HEXB: variants seen among roughly 807,000 people sequenced by gnomAD.
The protein encoded by HEXB is hexosaminidase subunit beta, also known as beta-hexosaminidase subunit beta.
HEXB carries 51 observed loss-of-function variants against 71.2 expected under a neutral mutation model. The ratio of observed to expected loss-of-function variants is 0.72; its 90% CI spans 0.57 to 0.90. The LOEUF is 0.90. Among genes scored for constraint, HEXB ranks in the 40% least tolerant of loss-of-function variants. HEXB has a pLI of 0.00. For missense variants in HEXB, 617 were observed against 677.0 expected, an observed-to-expected ratio of 0.91 and a Z score of 0.98; for synonymous variants, 266 against 249.3, an observed-to-expected ratio of 1.07 and a Z score of -0.63.
chr5:74,704,921 G>A (rs1749345434), intron 5 of HEXB, among the ~76,000 whole-genome samples: 1 of 151,970 alleles, frequency 6.6e-6, no homozygotes, highest in South Asian at 2.1e-4. Context: ...GCAAAACCCT[G>A]TTTCGACAAA....
chr5:74,673,349 G>T (rs1343521089), intron 1 of HEXB, among the ~76,000 whole-genome samples: 2 of 152,182 alleles, frequency 1.3e-5, no homozygotes, highest in African/African-American at 2.4e-5. Context: ...GGTTGCTTAT[G>T]GATATGTCAT....
chr5:74,720,850 G>A (rs1435609125), intron 13 of HEXB, 103 bp downstream of exon 13: 3 of 943,586 alleles, frequency 3.2e-6, no homozygotes, highest in Non-Finnish European at 5.1e-6. Context: ...ATAGTAATTA[G>A]AAGAAACCAG....
chr5:74,704,372 T>C (rs902193800), intron 5 of HEXB, among the ~76,000 whole-genome samples: 3 of 152,142 alleles, frequency 2.0e-5, no homozygotes, highest in African/African-American at 7.2e-5. Context: ...CCCTTATTGT[T>C]TTTCATCTTT....
Position 74,685,572 on chromosome 5 carries a change from G to C in HEXB, c.299+13G>C. ...AAGCGTTTCGACGGTGAGCGCTCCC[G>C]GCCCGGCCGGGAGTTGTCCTGGGGG... On this transcript the variant is annotated intron_variant, in intron 1 of 13. Coordinates refer to ENST00000261416, the MANE Select transcript of HEXB (RefSeq NM_000521.4). The C allele has an allele frequency of 1.3e-6, 2 of 1,536,492 alleles. No individual in the cohort carries two copies. The highest frequency in any genetic ancestry group is 1.7e-6 in the Non-Finnish European group (2 of 1,145,126).
At chr5:74,718,417 T>C (rs1440966552) in intron 10 of HEXB, 54 bp downstream of exon 10, 1 of 1,318,336 alleles carries the variant, frequency 7.6e-7, no homozygotes, top group South Asian at 1.2e-5. Context: ...ATTATTTTTC[T>C]TGGGGCAACT....
chr5:74,713,424 C>A, intron 6 of HEXB, 82 bp from the exon 7 acceptor site: 2 of 1,358,474 alleles, frequency 1.5e-6, no homozygotes, highest in East Asian at 2.3e-5. Flanking sequence ...TGTCAAATAT[C>A]AAATGCAAGC....
chr5:74,671,505 G>C (rs1423825458), intron 1 of HEXB, among the ~76,000 whole-genome samples: 1 of 152,138 alleles, frequency 6.6e-6, no homozygotes, highest in Non-Finnish European at 1.5e-5. Context: ...GTACTTGTCT[G>C]GATGGAAGGT....
At chr5:74,705,178 G>T in intron 5 of HEXB, 41 bp from the exon 6 acceptor site, 3 of 1,064,112 alleles carry the variant, frequency 2.8e-6, no homozygotes, top group Admixed American at 1.7e-5. Flanking sequence ...GATTGTATAT[G>T]ATATCTGCAG....
intron 12 of HEXB, 30 bp from the exon 13 acceptor site, chr5:74,720,613 T>C: frequency 1.2e-6 from 2 of 1,604,574 alleles, no homozygotes; most frequent in Non-Finnish European, 1.7e-6. Context: ...TTTAAACTGC[T>C]TGCGGGGGGA....
rs34022383 is a variant in HEXB, at chr5:74,695,839, TA to T, written c.512-837del. Among the ~76,000 whole-genome samples, 564 of 132,856 alleles carry T rather than the reference TA, an allele frequency of 4.2e-3. 8 individuals are homozygous for T. The highest frequency in any genetic ancestry group is 4.3e-3 in the Non-Finnish European group (270 of 63,250). The allele number at this position is 132,856 out of a possible 152,430, so 87.2% of individuals were successfully genotyped here. ...CTGGGTGACAGAGCAAGACTCCGTC[TA>T]AAAAAAAAAAAAAAAAGATAAAACC... is the stretch of plus-strand genomic sequence containing the variant. On this transcript the variant is annotated intron_variant, in intron 3 of 13. Coordinates refer to ENST00000261416, the MANE Select transcript of HEXB (RefSeq NM_000521.4).
chr5:74,660,963 G>A (rs950157644), intron 1 of HEXB, among the ~76,000 whole-genome samples: 11 of 152,140 alleles, frequency 7.2e-5, no homozygotes, highest in African/African-American at 2.7e-4. Flanking sequence ...GGGCATAACA[G>A]CATCTCACTT....
intron 13 of HEXB, 161 bp downstream of exon 13, chr5:74,720,908 T>TTG (rs758552522): frequency 1.4e-4 from 106 of 779,254 alleles, no homozygotes; most frequent in Admixed American, 4.8e-4. Context: ...ATATTCAGAC[T>TTG]TGTGACTGTT....
intron 1 of HEXB, among the ~76,000 whole-genome samples, chr5:74,653,805 G>T (rs543208711): frequency 3.3e-5 from 5 of 152,214 alleles, no homozygotes; most frequent in African/African-American, 4.8e-5. Flanking sequence ...TAGCACATAA[G>T]CCAAAATTCA....
intron 1 of HEXB, among the ~76,000 whole-genome samples, chr5:74,676,563 C>T (rs1277803614): frequency 6.6e-6 from 1 of 152,122 alleles, no homozygotes; most frequent in African/African-American, 2.4e-5. Context: ...GCCAGGAGTT[C>T]AAGACCAGCC....
chr5:74,718,921 A>G lies in HEXB; in HGVS notation c.1367A>G (p.Tyr456Cys). Residue 456 changes from tyrosine to cysteine, a missense_variant, in exon 11 of 14, where the codon TAT (tyrosine) becomes TGT (cysteine). By Grantham distance (194) the Tyr-to-Cys change is radical. Coordinates refer to ENST00000261416, the MANE Select transcript of HEXB (RefSeq NM_000521.4). ...SAPWYLDLIS[Y>C]GQDWRKYYKV... ...CCTTGGTACTTAGATTTGATTAGCT[A>G]TGGACAAGATTGGAGGAAATACTAT... is the stretch of plus-strand genomic sequence containing the variant. 1 of 1,614,136 alleles carries G rather than the reference A, an allele frequency of 6.2e-7. No individual in the cohort carries two copies. The highest frequency in any genetic ancestry group is 8.5e-7 in the Non-Finnish European group (1 of 1,180,010).
chr5:74,680,024 G>A (rs904140576), intron 1 of HEXB, among the ~76,000 whole-genome samples: 3 of 152,106 alleles, frequency 2.0e-5, no homozygotes, highest in African/African-American at 4.8e-5. Context: ...ACAATAGAGC[G>A]TATCTTGAAG....
chr5:74,711,954 T>G (rs1749552970), intron 6 of HEXB, among the ~76,000 whole-genome samples: 1 of 148,658 alleles, frequency 6.7e-6, no homozygotes, highest in East Asian at 2.0e-4. Context: ...GGACTATAAA[T>G]CATGCTGCTG....
At chr5:74,679,687 C>T (rs1212592057) in intron 1 of HEXB, among the ~76,000 whole-genome samples, 1 of 149,814 alleles carries the variant, frequency 6.7e-6, no homozygotes, top group Admixed American at 6.7e-5. Flanking sequence ...GTAATCCTAG[C>T]TATCTGGGAG....
chr5:74,666,059 T>C (rs371160046), intron 1 of HEXB, among the ~76,000 whole-genome samples: 13 of 152,392 alleles, frequency 8.5e-5, no homozygotes, highest in East Asian at 5.8e-4. Context: ...TACAGAGAAC[T>C]GTTTTATCCA....
Sources: allele counts gnomAD v4.1 joint callset (sites outside exome capture counted in the v4.1 genomes callset), GRCh38; gene constraint gnomAD v4.1.1; transcripts MANE v1.5; gene names NCBI Gene and HGNC (gene_info 2026-07-23, HGNC 2026-07-21).